ASB5: variants seen among roughly 807,000 people sequenced by gnomAD.
The protein encoded by ASB5 is ankyrin repeat and SOCS box containing 5.
ASB5 carries 45 observed loss-of-function variants against 42.1 expected under a neutral mutation model. The observed-to-expected ratio is 1.07, with a 90% CI of 0.84 to 1.37. ASB5 has a LOEUF of 1.37. Among genes scored for constraint, ASB5 ranks in the 40% most tolerant of loss-of-function variants. ASB5 has a pLI of 0.00. For synonymous variants in ASB5, 147 were observed against 150.6 expected, an observed-to-expected ratio of 0.98 and a Z score of 0.18; for missense variants, 402 against 399.8, an observed-to-expected ratio of 1.01 and a Z score of -0.05.
chr4:176,232,970 A>C (rs1753587814), intron 1 of ASB5, among the ~76,000 whole-genome samples: 1 of 152,204 alleles, frequency 6.6e-6, no homozygotes, highest in Non-Finnish European at 1.5e-5. Context: ...CCTGAGTTCA[A>C]ATTCCAGCAT....
intron 1 of ASB5, among the ~76,000 whole-genome samples, chr4:176,248,670 C>G (rs1753957962): frequency 6.6e-6 from 1 of 151,768 alleles, no homozygotes; most frequent in Non-Finnish European, 1.5e-5. Flanking sequence ...AATGAATGAA[C>G]CTAGATATAT....
Position 176,225,220 on chromosome 4 carries a change from C to A in ASB5, c.276+42G>T, listed in dbSNP as rs779952592. The A allele has an allele frequency of 3.3e-6, 5 of 1,501,934 alleles. No homozygotes were observed. The South Asian group carries it at 5.7e-5, about 17-fold the overall frequency. 93.0% of individuals were successfully genotyped at this position (1,501,934 alleles called of 1,614,324 possible). A position where few individuals can be genotyped will look rare whatever the true frequency, so the allele number is the denominator to read the frequency against. On this transcript the variant is annotated intron_variant, in intron 2 of 6. Transcript: ENST00000296525. ...ATTGGTTTTGACCATGTTCTGTGCA[C>A]ATGGAAAGGGGGTATATTTTAAACT...
At chr4:176,263,872 A>G (rs751054524) in intron 1 of ASB5, among the ~76,000 whole-genome samples, 3 of 152,176 alleles carry the variant, frequency 2.0e-5, no homozygotes, top group Non-Finnish European at 2.9e-5. Flanking sequence ...TTGCTTTTAA[A>G]CCTAGGATGG....
At chr4:176,237,543 C>G (rs759689726) in intron 1 of ASB5, 1 of 985,530 alleles carries the variant, frequency 1.0e-6, no homozygotes, top group African/African-American at 1.7e-5. Flanking sequence ...CACAAAGGTT[C>G]CTGTGTGCTA....
At chr4:176,239,785 T>TA (rs1753772859) in intron 1 of ASB5, among the ~76,000 whole-genome samples, 1 of 152,214 alleles carries the variant, frequency 6.6e-6, no homozygotes, top group African/African-American at 2.4e-5. Context: ...AACTCACACT[T>TA]ACTGAACTGG....
At position 176,214,438 on chromosome 4, in the gene ASB5, T is replaced by C. The variant is rs1380298706; in HGVS notation, c.*1162A>G. 2 of 152,144 alleles carry C rather than the reference T, an allele frequency of 1.3e-5. No individual in the cohort carries two copies. Among genetic ancestry groups the C allele is most frequent in the Non-Finnish European group, 2.9e-5 (2 of 67,994 alleles). The allele number at this position is 152,144 out of a possible 1,614,324, so 9.4% of individuals were successfully genotyped here. The stretch of plus-strand genomic sequence containing the variant: ...AATTTTATTAAGTTTTTTATTGCAC[T>C]CAAGTATAGTTAAAGCTGAAGAGAA... On this transcript the variant is annotated 3_prime_UTR_variant, in exon 7 of 7. Transcript: ENST00000296525.
At chr4:176,236,678 T>TG (rs1049612669) in intron 1 of ASB5, among the ~76,000 whole-genome samples, 2 of 152,188 alleles carry the variant, frequency 1.3e-5, no homozygotes, top group African/African-American at 4.8e-5. Context: ...CTTACAATCT[T>TG]GGGGGGCAAG....
At chr4:176,225,183 A>G (rs1295472523) in intron 2 of ASB5, 79 bp downstream of exon 2, 4 of 1,160,274 alleles carry the variant, frequency 3.4e-6, no homozygotes, top group Non-Finnish European at 5.0e-6. Context: ...TGGTTTTATC[A>G]TATTTGCATT....
chr4:176,233,760 A>G (rs1182945285), intron 1 of ASB5, among the ~76,000 whole-genome samples: 3 of 152,144 alleles, frequency 2.0e-5, no homozygotes, highest in African/African-American at 7.2e-5. Context: ...AGTGCCATGA[A>G]CATAAATATT....
rs2126935046 is a variant in ASB5 at position 176,215,330 on chromosome 4, A to G, written c.*270T>C. ...TCCAATCCAAAAGAAAACATAAGAT[A>G]GTGACTTTATTATTTTTTCCTGAAT... On this transcript the variant is annotated 3_prime_UTR_variant, in exon 7 of 7. Transcript: ENST00000296525. 1 of 224,490 alleles carries G rather than the reference A, an allele frequency of 4.5e-6. No individual in the cohort carries two copies. Among genetic ancestry groups the G allele is most frequent in the African/African-American group, 2.3e-5 (1 of 44,188 alleles). The allele number at this position is 224,490 out of a possible 1,614,324, so 13.9% of individuals were successfully genotyped here.
rs1752903647 is a variant in ASB5, at chr4:176,214,062, T to C, written c.*1538A>G. The C allele has an allele frequency of 1.3e-5, 2 of 152,160 alleles. No homozygotes were observed. The highest frequency in any genetic ancestry group is 1.3e-4 in the Admixed American group (2 of 15,274). 9.4% of individuals were successfully genotyped at this position (152,160 alleles called of 1,614,324 possible). A position where few individuals can be genotyped will look rare whatever the true frequency, so the allele number is the denominator to read the frequency against. On this transcript the variant is annotated 3_prime_UTR_variant, in exon 7 of 7. Coordinates refer to ENST00000296525, the MANE Select transcript of ASB5 (RefSeq NM_080874.4). Reference sequence around the variant, plus strand: ...AACACATATTTAAAGGTCCCTATCCTCATATAAAACATTGTTTAGTGAATA... The same window carrying C: ...AACACATATTTAAAGGTCCCTATCCCCATATAAAACATTGTTTAGTGAATA...
At chr4:176,225,156 C>A (rs1462206644) in intron 2 of ASB5, 106 bp downstream of exon 2, 6 of 816,234 alleles carry the variant, frequency 7.4e-6, no homozygotes, top group African/African-American at 3.5e-5. Flanking sequence ...AATAAAAGGG[C>A]AGAAGTAAAA....
chr4:176,272,494 C>T (rs1289308101), upstream of ASB5, among the ~76,000 whole-genome samples: 10 of 152,060 alleles, frequency 6.6e-5, no homozygotes, highest in African/African-American at 1.2e-4. Flanking sequence ...CAAGAAGAAA[C>T]GCTCCCTGGC....
intron 1 of ASB5, among the ~76,000 whole-genome samples, chr4:176,243,246 G>A (rs112628731): frequency 6.7e-6 from 1 of 149,064 alleles, no homozygotes; most frequent in Admixed American, 6.7e-5. Flanking sequence ...TGAAAAGAAT[G>A]TGGATGTGAA....
At chr4:176,258,368 G>A (rs895732810) in intron 1 of ASB5, among the ~76,000 whole-genome samples, 2 of 150,834 alleles carry the variant, frequency 1.3e-5, no homozygotes, top group African/African-American at 5.0e-5. Context: ...CAATATGCAA[G>A]GGGTTTTTAA....
intron 5 of ASB5, 25 bp from the exon 6 acceptor site, chr4:176,217,034 A>C: frequency 6.5e-7 from 1 of 1,538,184 alleles, no homozygotes; most frequent in Non-Finnish European, 8.8e-7. Context: ...GAGTGAAGAT[A>C]AATATAAATA....
intron 2 of ASB5, among the ~76,000 whole-genome samples, chr4:176,223,073 C>T (rs537806694): frequency 1.3e-5 from 2 of 152,234 alleles, no homozygotes; most frequent in South Asian, 2.1e-4. Flanking sequence ...CCACCGCGCC[C>T]GGCCAACTTG....
chr4:176,266,781 C>T (rs777106110), intron 1 of ASB5, among the ~76,000 whole-genome samples: 10 of 151,942 alleles, frequency 6.6e-5, no homozygotes, highest in Non-Finnish European at 1.3e-4. Flanking sequence ...ACTTTGCTTC[C>T]ATTTTATATT....
At position 176,251,454 on chromosome 4, in the gene ASB5, T is replaced by C. The variant is rs370516241; in HGVS notation, c.196+17459A>G. 2.8e-3 allele frequency among the ~76,000 whole-genome samples: 92 copies of C among 32,900 alleles called. 40 individuals are homozygous for C. The highest frequency in any genetic ancestry group is 9.3e-4 in the African/African-American group (10 of 10,796). The allele number at this position is 32,900 out of a possible 152,430, so 21.6% of individuals were successfully genotyped here. On this transcript the variant is annotated intron_variant, in intron 1 of 6. Coordinates refer to ENST00000296525, the MANE Select transcript of ASB5 (RefSeq NM_080874.4). ...GCGGGCGCCTGTAGTCCCAGCTACT[T>C]GGGAGGCTGAGGCAGGAGAATGGCG...
Sources: gnomAD v4.1 joint callset for allele counts (sites outside exome capture counted in the v4.1 genomes callset) on GRCh38, gnomAD v4.1.1 for gene constraint, MANE v1.5 for transcripts, NCBI Gene and HGNC (gene_info 2026-07-23, HGNC 2026-07-21) for gene names.